TRIP12: variants seen among roughly 807,000 people sequenced by gnomAD.
The protein encoded by TRIP12 is E3 ubiquitin-protein ligase TRIP12.
In TRIP12, 25 loss-of-function variants were observed where a neutral mutation model predicts 244.2. That is an observed-to-expected ratio of 0.10 (90% CI 0.07 to 0.14). TRIP12 has a LOEUF of 0.14. TRIP12 is among the 10% of genes least tolerant of loss of function. The pLI, the probability that TRIP12 is intolerant of heterozygous loss-of-function variation, is 1.00. For synonymous variants in TRIP12, 905 were observed against 873.1 expected, an observed-to-expected ratio of 1.04 and a Z score of -0.64; for missense variants, 1,677 against 2,486.4, an observed-to-expected ratio of 0.67 and a Z score of 6.92.
rs1275091936 is a variant in TRIP12, at chr2:229,805,624, T to C, written c.2650+106A>G. ...CGAAAACCAAATTATTGTTATGCAA[T>C]TGTCTTAAGCTTAAAAAGATACTTA... is the stretch of plus-strand genomic sequence containing the variant. On this transcript the variant is annotated intron_variant, in intron 18 of 41. Coordinates refer to ENST00000675903, the MANE Select transcript of TRIP12 (RefSeq NM_001348323.3). 23 of 1,153,106 alleles carry C rather than the reference T, an allele frequency of 2.0e-5. No homozygotes were observed. In the South Asian group the frequency reaches 4.1e-4, roughly 20 times the overall value. 71.4% of individuals were successfully genotyped at this position (1,153,106 alleles called of 1,614,324 possible).
chr2:229,813,088 C>T (rs2047663327), intron 13 of TRIP12, among the ~76,000 whole-genome samples: 1 of 152,138 alleles, frequency 6.6e-6, no homozygotes, highest in African/African-American at 2.4e-5. Context: ...GATTCTGCCA[C>T]CTAGATAATC....
chr2:229,916,002 T>G (rs1443604290), intron 1 of TRIP12, among the ~76,000 whole-genome samples: 1 of 152,196 alleles, frequency 6.6e-6, no homozygotes, highest in Non-Finnish European at 1.5e-5. Flanking sequence ...ATGTTTCAAG[T>G]AGGATACCTA....
intron 32 of TRIP12, among the ~76,000 whole-genome samples, chr2:229,788,286 T>C (rs2040579752): frequency 6.6e-6 from 1 of 152,202 alleles, no homozygotes; most frequent in African/African-American, 2.4e-5. Context: ...TGAAAGCTCA[T>C]TTTTAAAATA....
chr2:229,876,375 C>G (rs2063573878), intron 2 of TRIP12, among the ~76,000 whole-genome samples: 1 of 152,134 alleles, frequency 6.6e-6, no homozygotes. Context: ...AAGAATCAAG[C>G]CAAGACGGCA....
At chr2:229,779,035 T>C (rs564756733) in intron 34 of TRIP12, 45 bp from the exon 35 acceptor site, 6 of 1,545,212 alleles carry the variant, frequency 3.9e-6, no homozygotes, top group Non-Finnish European at 5.4e-6. Context: ...TTAAGAATTG[T>C]GTTTTTTTAC....
At chr2:229,860,880 A>G (rs1410931181) in intron 2 of TRIP12, among the ~76,000 whole-genome samples, 1 of 152,194 alleles carries the variant, frequency 6.6e-6, no homozygotes, top group Non-Finnish European at 1.5e-5. Context: ...TTTAGACTTT[A>G]GATCTAAACA....
In TRIP12 at chr2:229,859,430, G is replaced by A. The variant is rs1391292428; in HGVS notation, c.369C>T (p.Asn123=). Residue 123 remains asparagine (N), a synonymous_variant, in exon 4 of 42, where the codon AAC becomes AAT. Transcript: ENST00000675903. ...GVKRSASPDY[N]RTNSPSSAKK... is the part of the protein sequence containing the mutation. Reference sequence around the variant, plus strand: ...TTGCAGAGCTAGGAGAATTGGTCCTGTTGTAGTCTGGACTAGCACTGCGCT... The same window carrying A: ...TTGCAGAGCTAGGAGAATTGGTCCTATTGTAGTCTGGACTAGCACTGCGCT... The A allele has an allele frequency of 1.2e-6, 2 of 1,614,168 alleles. No individual in the cohort carries two copies. Among genetic ancestry groups the A allele is most frequent in the Admixed American group, 1.7e-5 (1 of 60,022 alleles).
At position 229,803,995 on chromosome 2, in the gene TRIP12, A is replaced by ACACC. The variant is rs746057946; in HGVS notation, c.2879_2879+3dup. 6.2e-7 allele frequency: 1 copy of ACACC among 1,603,920 alleles called. No individual in the cohort carries two copies. Among genetic ancestry groups the ACACC allele is most frequent in the South Asian group, 1.1e-5 (1 of 89,116 alleles). On this transcript the variant is annotated splice_donor_region_variant and intron_variant, in intron 19 of 41. Transcript: ENST00000675903. ...AAATGTTTCTACTATTTTCATTAAC[A>ACACC]CACCTTGAAACAGCATGATTTTTCA...
intron 7 of TRIP12, 26 bp downstream of exon 7, chr2:229,830,730 C>A: frequency 6.3e-7 from 1 of 1,598,304 alleles, no homozygotes; most frequent in Non-Finnish European, 8.6e-7. Context: ...GTAATGGTTT[C>A]TTATAGGCTC....
intron 1 of TRIP12, among the ~76,000 whole-genome samples, chr2:229,916,620 A>G (rs1425331048): frequency 6.6e-6 from 1 of 152,158 alleles, no homozygotes; most frequent in Non-Finnish European, 1.5e-5. Context: ...CTCAAGACAA[A>G]GCAGGTAAGC....
intron 4 of TRIP12, 61 bp downstream of exon 4, chr2:229,858,711 C>A: frequency 7.0e-7 from 1 of 1,437,020 alleles, no homozygotes; most frequent in South Asian, 1.4e-5. Flanking sequence ...AGCATAATTG[C>A]TTTTGACAAA....
At chr2:229,912,377 G>C (rs1196326849) in intron 1 of TRIP12, among the ~76,000 whole-genome samples, 1 of 151,888 alleles carries the variant, frequency 6.6e-6, no homozygotes, top group East Asian at 1.9e-4. Context: ...ACCTATTCAG[G>C]GATCAACAAT....
At chr2:229,811,816 T>G (rs2047319529) in intron 13 of TRIP12, among the ~76,000 whole-genome samples, 1 of 152,220 alleles carries the variant, frequency 6.6e-6, no homozygotes, top group African/African-American at 2.4e-5. Context: ...TTGATAGATC[T>G]TGATTTTTCC....
rs1053764904 is a variant in TRIP12 at position 229,764,529 on chromosome 2, A to G, written c.*3025T>C. 1.3e-5 allele frequency: 2 copies of G among 152,150 alleles called. No homozygotes were observed. The highest frequency in any genetic ancestry group is 2.4e-5 in the African/African-American group (1 of 41,456). The allele number at this position is 152,150 out of a possible 1,614,324, so 9.4% of individuals were successfully genotyped here. On this transcript the variant is annotated 3_prime_UTR_variant, in exon 42 of 42. Transcript: ENST00000675903. ...CTTCATCACATTTTTTTTTTGGAAT[A>G]GACTCCACTCTCATTTCCTGAGCTC...
In TRIP12 at chr2:229,830,846, G is replaced by A. The variant is rs1388460148; in HGVS notation, c.1271-7C>T. 2 of 1,614,014 alleles carry A rather than the reference G, an allele frequency of 1.2e-6. No individual in the cohort carries two copies. Among genetic ancestry groups the A allele is most frequent in the East Asian group, 2.2e-5 (1 of 44,868 alleles). On this transcript the variant is annotated splice_region_variant and splice_polypyrimidine_tract_variant and intron_variant, in intron 6 of 41. Coordinates refer to ENST00000675903, the MANE Select transcript of TRIP12 (RefSeq NM_001348323.3). ...CCTGCAACAGAACTAGAGGCTTGGG[G>A]TGGAGGGGAAAGATGAGGGTTAGGA...
intron 4 of TRIP12, among the ~76,000 whole-genome samples, chr2:229,851,974 C>T (rs1368973960): frequency 2.0e-5 from 3 of 152,222 alleles, no homozygotes; most frequent in Non-Finnish European, 4.4e-5. Context: ...TTCATCTCTC[C>T]TGCTTAACTC....
At chr2:229,870,008 T>C (rs1470211475) in intron 2 of TRIP12, among the ~76,000 whole-genome samples, 1 of 152,236 alleles carries the variant, frequency 6.6e-6, no homozygotes, top group African/African-American at 2.4e-5. Context: ...ATCTTGATCA[T>C]GTGACCACAC....
chr2:229,825,583 G>A (rs970324130), intron 8 of TRIP12, among the ~76,000 whole-genome samples: 20 of 152,248 alleles, frequency 1.3e-4, no homozygotes, highest in African/African-American at 4.8e-4. Flanking sequence ...AAGAATGAGT[G>A]CCAACAGGGG....
intron 38 of TRIP12, among the ~76,000 whole-genome samples, chr2:229,772,734 T>C (rs1300350369): frequency 6.6e-6 from 1 of 152,056 alleles, no homozygotes; most frequent in East Asian, 1.9e-4. Flanking sequence ...AGTGTTGGGA[T>C]TACAAGTGTG....
Sources: allele counts gnomAD v4.1 joint callset (sites outside exome capture counted in the v4.1 genomes callset), GRCh38; gene constraint gnomAD v4.1.1; transcripts MANE v1.5; gene names NCBI Gene and HGNC (gene_info 2026-07-23, HGNC 2026-07-21).